The following CFAP276 variants were observed in gnomAD, a reference collection of about 807,000 sequenced individuals.
CFAP276 encodes the protein cilia- and flagella-associated protein 276.
the CFAP276 span, chr1:109,106,184 G>A: frequency 1.7e-6 from 2 of 1,151,342 alleles, no homozygotes; most frequent in Middle Eastern, 2.0e-4. Flanking sequence ...ACATTTGTAG[G>A]TACTGTGGAG....
At chr1:109,113,779 G>A in the CFAP276 span, 1 of 1,327,256 alleles carries the variant, frequency 7.5e-7, no homozygotes. Flanking sequence ...TTGTTGGCTG[G>A]CTTGGAGGAT....
chr1:109,106,023 C>G, the CFAP276 span: 1 of 1,610,138 alleles, frequency 6.2e-7, no homozygotes, highest in South Asian at 1.1e-5. Flanking sequence ...AGGGATCTGT[C>G]AACACTAGGT....
chr1:109,109,659 C>G, the CFAP276 span, among the ~76,000 whole-genome samples: 1 of 150,388 alleles, frequency 6.6e-6, no homozygotes, highest in Non-Finnish European at 1.5e-5. Context: ...GCCTTAGCCT[C>G]CCGAATAGCT....
At chr1:109,112,582 G>A in the CFAP276 span, 4 of 1,549,952 alleles carry the variant, frequency 2.6e-6, no homozygotes, top group South Asian at 4.8e-5. Context: ...GGGAATCTGC[G>A]CAAGAAACCA....
the CFAP276 span, among the ~76,000 whole-genome samples, chr1:109,111,162 T>C: frequency 1.3e-5 from 2 of 152,142 alleles, no homozygotes; most frequent in Non-Finnish European, 2.9e-5. Context: ...TGTGTCACTG[T>C]GGTACTTAAA....
chr1:109,112,211 G>A, the CFAP276 span, among the ~76,000 whole-genome samples: 4 of 152,216 alleles, frequency 2.6e-5, no homozygotes, highest in Non-Finnish European at 5.9e-5. Flanking sequence ...TGTGAACACA[G>A]ATGTGTAAAG....
At chr1:109,106,700 A>G in the CFAP276 span, 3 of 1,600,858 alleles carry the variant, frequency 1.9e-6, no homozygotes, top group Non-Finnish European at 2.6e-6. Context: ...GAGTGAAATC[A>G]ATCAGAGAAA....
At chr1:109,107,329 C>A in the CFAP276 span, among the ~76,000 whole-genome samples, 2 of 152,186 alleles carry the variant, frequency 1.3e-5, no homozygotes, top group African/African-American at 4.8e-5. Context: ...GAGTGGTGAG[C>A]TCTCACTGGA....
At chr1:109,106,052 T>C in the CFAP276 span, 2 of 1,613,866 alleles carry the variant, frequency 1.2e-6, no homozygotes, top group Non-Finnish European at 1.7e-6. Context: ...AGCCACCATC[T>C]TTCTTTCGGG....
At chr1:109,105,965 A>G in the CFAP276 span, 1 of 1,334,666 alleles carries the variant, frequency 7.5e-7, no homozygotes. Flanking sequence ...TCTTGCACAA[A>G]TCTATTTAAT....
chr1:109,113,410 G>A, the CFAP276 span, among the ~76,000 whole-genome samples: 2 of 109,520 alleles, frequency 1.8e-5, no homozygotes, highest in Non-Finnish European at 3.7e-5. Flanking sequence ...GAGAGAGAGA[G>A]AGAGAAAGAG....
chr1:109,113,455 A>T, the CFAP276 span, among the ~76,000 whole-genome samples: 1 of 141,386 alleles, frequency 7.1e-6, no homozygotes, highest in Admixed American at 7.1e-5. Flanking sequence ...AGAGAGAGAG[A>T]GAGAGAGAGA....
the CFAP276 span, chr1:109,113,623 G>C: frequency 6.2e-7 from 1 of 1,613,790 alleles, no homozygotes; most frequent in South Asian, 1.1e-5. Context: ...TCGTAGGAGG[G>C]AACACGTACT....
At chr1:109,107,860 AG>A in the CFAP276 span, 150 of 1,290,298 alleles carry the variant, frequency 1.2e-4, no homozygotes, top group African/African-American at 1.9e-3. Flanking sequence ...CCTGGGTGAC[AG>A]GAAAAAAAAA....
the CFAP276 span, chr1:109,106,928 A>AT: frequency 6.0e-5 from 69 of 1,157,024 alleles, no homozygotes; most frequent in Non-Finnish European, 1.3e-5. Flanking sequence ...AGTGATTATC[A>AT]TTTTCCAGGT....
the CFAP276 span, among the ~76,000 whole-genome samples, chr1:109,109,435 T>G: frequency 6.7e-6 from 1 of 148,404 alleles, no homozygotes; most frequent in African/African-American, 2.5e-5. Context: ...GCAACAAGAG[T>G]GGGACTCTGT....
At chr1:109,108,353 G>T in the CFAP276 span, among the ~76,000 whole-genome samples, 2 of 152,162 alleles carry the variant, frequency 1.3e-5, no homozygotes, top group South Asian at 4.1e-4. Flanking sequence ...ATGTTGGCCA[G>T]GCTGGCCTTC....
chr1:109,112,807 C>A, the CFAP276 span: 1 of 1,416,298 alleles, frequency 7.1e-7, no homozygotes, highest in South Asian at 1.5e-5. Context: ...ACTGCCCAGC[C>A]ATCTATGACA....
chr1:109,113,322 G>A, the CFAP276 span, among the ~76,000 whole-genome samples: 1 of 151,820 alleles, frequency 6.6e-6, no homozygotes, highest in Non-Finnish European at 1.5e-5. Flanking sequence ...GAACCCGGAA[G>A]GCGGAGGTTG....
Sources: allele counts gnomAD v4.1 joint callset (sites outside exome capture counted in the v4.1 genomes callset), GRCh38; gene constraint gnomAD v4.1.1; transcripts MANE v1.5; gene names NCBI Gene and HGNC (gene_info 2026-07-23, HGNC 2026-07-21).